Variants in ZNRF3 observed in about 807,000 individuals in gnomAD.
ZNRF3 encodes the protein zinc and ring finger 3.
ZNRF3 carries 23 observed loss-of-function variants against 72.5 expected under a neutral mutation model. That is an observed-to-expected ratio of 0.32 (90% confidence interval 0.23 to 0.45). The LOEUF is 0.45. Among genes scored for constraint, ZNRF3 ranks in the 20% least tolerant of loss-of-function variants. The probability of loss-of-function intolerance (pLI) is 1.00; values close to 1 mark genes in which losing one functional copy is unlikely to be tolerated. For missense variants in ZNRF3, 1,169 were observed against 1,272.1 expected, an observed-to-expected ratio of 0.92 and a Z score of 1.23; for synonymous variants, 610 against 545.3, an observed-to-expected ratio of 1.12 and a Z score of -1.65.
intron 1 of ZNRF3, among the ~76,000 whole-genome samples, chr22:28,918,904 G>C (rs139147770): frequency 9.9e-4 from 151 of 152,286 alleles, no homozygotes; most frequent in Non-Finnish European, 1.8e-3. Context: ...CATCAATAAA[G>C]TTGGGCTGGT....
At chr22:28,897,568 G>A (rs114757368) in intron 1 of ZNRF3, among the ~76,000 whole-genome samples, 2,264 of 152,344 alleles carry the variant, frequency 0.015, 66 homozygotes, top group African/African-American at 0.051. Flanking sequence ...CAATCCACCT[G>A]CCTCAACTCC....
chr22:28,895,450 C>T (rs1193294570), intron 1 of ZNRF3, among the ~76,000 whole-genome samples: 4 of 152,260 alleles, frequency 2.6e-5, no homozygotes, highest in Non-Finnish European at 4.4e-5. Context: ...GAGGCTGAGG[C>T]GGGTGGATCA....
intron 1 of ZNRF3, among the ~76,000 whole-genome samples, chr22:28,898,117 T>G (rs1023166809): frequency 3.3e-5 from 5 of 152,128 alleles, no homozygotes; most frequent in African/African-American, 1.2e-4. Context: ...TGGCTAATTT[T>G]TTGTATTTTT....
intron 1 of ZNRF3, among the ~76,000 whole-genome samples, chr22:28,903,926 G>A (rs1361677771): frequency 2.0e-5 from 3 of 152,130 alleles, no homozygotes; most frequent in Non-Finnish European, 2.9e-5. Context: ...AGAATTTCTT[G>A]TGTGGCCTGT....
rs1569284145 is a variant in ZNRF3, at chr22:29,020,763, T to TGTGTGTGTG, written c.427-21732_427-21731insGTGTGTGTG. ...GATTTCATTGAGAGGGGCTTTGTTT[T>TGTGTGTGTG]TGTGTGTGTGTGGGTGTGTGTGTGT... On this transcript the variant is annotated intron_variant, in intron 2 of 8. Coordinates refer to ENST00000544604, the MANE Select transcript of ZNRF3 (RefSeq NM_001206998.2). 1.5e-3 allele frequency among the ~76,000 whole-genome samples: 101 copies of TGTGTGTGTG among 66,852 alleles called. 7 individuals are homozygous for TGTGTGTGTG. The highest frequency in any genetic ancestry group is 2.9e-3 in the African/African-American group (86 of 29,268). 43.9% of individuals were successfully genotyped at this position (66,852 alleles called of 152,430 possible).
intron 1 of ZNRF3, among the ~76,000 whole-genome samples, chr22:28,986,174 G>A (rs969036017): frequency 1.3e-5 from 2 of 152,194 alleles, no homozygotes; most frequent in African/African-American, 4.8e-5. Context: ...AGGTTCTGGA[G>A]ATTAGGACAT....
intron 2 of ZNRF3, among the ~76,000 whole-genome samples, chr22:28,991,609 G>A (rs2035955719): frequency 6.6e-6 from 1 of 152,166 alleles, no homozygotes; most frequent in Non-Finnish European, 1.5e-5. Context: ...GCCATCACAT[G>A]TTGGGTGCTC....
chr22:29,052,519 C>G (rs2037224399), intron 8 of ZNRF3, among the ~76,000 whole-genome samples: 1 of 151,980 alleles, frequency 6.6e-6, no homozygotes, highest in Admixed American at 6.6e-5. Flanking sequence ...ATGGCGAAAC[C>G]CCGTCTCTAA....
At chr22:28,999,948 A>G (rs1167416117) in intron 2 of ZNRF3, among the ~76,000 whole-genome samples, 1 of 152,212 alleles carries the variant, frequency 6.6e-6, no homozygotes, top group Non-Finnish European at 1.5e-5. Context: ...AGAGACATGC[A>G]ATTACTTTTC....
At chr22:29,013,033 A>C (rs984111439) in intron 2 of ZNRF3, among the ~76,000 whole-genome samples, 1 of 152,170 alleles carries the variant, frequency 6.6e-6, no homozygotes, top group African/African-American at 2.4e-5. Context: ...TGCATAACAG[A>C]CTGATAGGTT....
intron 2 of ZNRF3, among the ~76,000 whole-genome samples, chr22:29,028,981 C>T (rs1319052091): frequency 6.6e-6 from 1 of 152,236 alleles, no homozygotes; most frequent in South Asian, 2.1e-4. Context: ...CTAGCCCTTA[C>T]AGACCTCTCT....
intron 1 of ZNRF3, among the ~76,000 whole-genome samples, chr22:28,927,453 A>G (rs1436871402): frequency 6.6e-6 from 1 of 152,216 alleles, no homozygotes; most frequent in African/African-American, 2.4e-5. Flanking sequence ...GAAAAATTTG[A>G]TTTATATATT....
chr22:28,972,103 TAAC>T (rs1459237245), intron 1 of ZNRF3, among the ~76,000 whole-genome samples: 1 of 152,260 alleles, frequency 6.6e-6, no homozygotes, highest in African/African-American at 2.4e-5. Flanking sequence ...AATTCTTTAA[TAAC>T]AGCTTTATTG....
At chr22:28,966,867 C>CTTTTTTTTTTTT (rs530036984) in intron 1 of ZNRF3, among the ~76,000 whole-genome samples, 8 of 102,434 alleles carry the variant, frequency 7.8e-5, no homozygotes, top group African/African-American at 2.8e-4. Flanking sequence ...TTTTAAAAAT[C>CTTTTTTTTTTTT]TTTTTTTTTT....
intron 1 of ZNRF3, among the ~76,000 whole-genome samples, chr22:28,896,470 G>A (rs977973661): frequency 2.6e-5 from 4 of 152,124 alleles, no homozygotes; most frequent in African/African-American, 7.2e-5. Context: ...CGCCATGTTG[G>A]CCAGGCTGGT....
chr22:28,967,053 C>T (rs1369911424), intron 1 of ZNRF3, among the ~76,000 whole-genome samples: 1 of 151,548 alleles, frequency 6.6e-6, no homozygotes, highest in South Asian at 2.1e-4. Context: ...CTAATTTTTT[C>T]GTATTTTTAG....
chr22:28,914,476 A>G (rs1226673102), intron 1 of ZNRF3, among the ~76,000 whole-genome samples: 2 of 148,362 alleles, frequency 1.3e-5, no homozygotes, highest in East Asian at 2.0e-4. Flanking sequence ...GTCATATTTC[A>G]TAGACTGTTG....
intron 2 of ZNRF3, among the ~76,000 whole-genome samples, chr22:29,006,129 G>A (rs1443820746): frequency 6.6e-6 from 1 of 151,666 alleles, no homozygotes. Context: ...ATCTGCCTTG[G>A]GCTTATTGCA....
intron 1 of ZNRF3, among the ~76,000 whole-genome samples, chr22:28,907,652 G>A (rs186200236): frequency 2.6e-5 from 4 of 152,288 alleles, no homozygotes; most frequent in Admixed American, 1.3e-4. Context: ...TCTCTGCAGA[G>A]TTTCATTGTC....
Sources: gnomAD v4.1 joint callset for allele counts (sites outside exome capture counted in the v4.1 genomes callset) on GRCh38, gnomAD v4.1.1 for gene constraint, MANE v1.5 for transcripts, NCBI Gene and HGNC (gene_info 2026-07-23, HGNC 2026-07-21) for gene names.